CLTCL1: variants seen among roughly 807,000 people sequenced by gnomAD.
The protein encoded by CLTCL1 is clathrin heavy chain like 1.
A neutral mutation model predicts 190.0 loss-of-function variants in CLTCL1; 159 were observed. That is an observed-to-expected ratio of 0.84 (90% CI 0.74 to 0.95). The LOEUF is 0.95. Ranked by LOEUF, CLTCL1 falls within the 40% of genes least tolerant of loss-of-function variation. The probability of loss-of-function intolerance (pLI) is 0.00; values close to 1 mark genes in which losing one functional copy is unlikely to be tolerated. For missense variants in CLTCL1, 1,878 were observed against 2,033.4 expected (o/e 0.92, Z 1.47); for synonymous variants, 752 against 769.6 (o/e 0.98, Z 0.38).
At chr22:19,183,263 C>T (rs977079186) in intron 30 of CLTCL1, 127 bp downstream of exon 30, 30 of 757,898 alleles carry the variant, frequency 4.0e-5, no homozygotes, top group Non-Finnish European at 5.7e-5. Context: ...TGAAGGCAGC[C>T]AGGGCTGGCT....
At chr22:19,290,611 G>A (rs1294165334) in intron 1 of CLTCL1, among the ~76,000 whole-genome samples, 2 of 152,138 alleles carry the variant, frequency 1.3e-5, no homozygotes, top group African/African-American at 4.8e-5. Context: ...TTTCCAGTCT[G>A]CAGAATGAGG....
intron 1 of CLTCL1, among the ~76,000 whole-genome samples, chr22:19,288,550 A>AGAT (rs1164111137): frequency 2.0e-5 from 3 of 152,254 alleles, no homozygotes; most frequent in Admixed American, 1.3e-4. Context: ...ATGAAGATAT[A>AGAT]GAAGCACAAA....
chr22:19,210,729 A>G (rs2145641780), intron 19 of CLTCL1, among the ~76,000 whole-genome samples: 1 of 152,338 alleles, frequency 6.6e-6, no homozygotes, highest in South Asian at 2.1e-4. Context: ...TAAGAGAATC[A>G]GAATGTGCCA....
chr22:19,250,011 TG>T, intron 3 of CLTCL1: 1 of 307,026 alleles, frequency 3.3e-6, no homozygotes, highest in Non-Finnish European at 6.7e-6. Flanking sequence ...CCCAGAACTT[TG>T]GGAGGCCGAG....
At chr22:19,225,808 A>G (rs2085724986) in intron 12 of CLTCL1, among the ~76,000 whole-genome samples, 175 bp from the exon 13 acceptor site, 1 of 152,238 alleles carries the variant, frequency 6.6e-6, no homozygotes, top group Non-Finnish European at 1.5e-5. Context: ...GCAAGGAGTA[A>G]AGCTGGGAAA....
At chr22:19,210,647 T>C (rs1555946229) in intron 19 of CLTCL1, 138 bp from the exon 20 acceptor site, 2 of 626,046 alleles carry the variant, frequency 3.2e-6, no homozygotes, top group Non-Finnish European at 5.4e-6. Flanking sequence ...GCTAAGTAAA[T>C]ACAACAGAGT....
chr22:19,185,543 G>T (rs1555927905), intron 29 of CLTCL1, among the ~76,000 whole-genome samples: 5 of 152,128 alleles, frequency 3.3e-5, no homozygotes, highest in Non-Finnish European at 1.5e-5. Context: ...AGCCAGGATG[G>T]TCTCGATCTC....
chr22:19,193,597 G>C (rs184542582), intron 26 of CLTCL1, among the ~76,000 whole-genome samples: 1 of 152,254 alleles, frequency 6.6e-6, no homozygotes, highest in Non-Finnish European at 1.5e-5. Flanking sequence ...AAGGCTGGGC[G>C]TGGTGGCTCA....
In CLTCL1 at chr22:19,209,121, G is replaced by A. The variant is rs540062182; in HGVS notation, c.3250-7C>T. 4 of 1,579,334 alleles carry A rather than the reference G, an allele frequency of 2.5e-6. No homozygotes were observed. The highest frequency in any genetic ancestry group is 2.3e-5 in the East Asian group (1 of 43,518). On this transcript the variant is annotated splice_region_variant and splice_polypyrimidine_tract_variant and intron_variant, in intron 20 of 32. Coordinates refer to ENST00000427926, the MANE Select transcript of CLTCL1 (RefSeq NM_007098.4). ...CAATGTGCTCGATCAGGACCTAGGG[G>A]TTATGAGAGGACTTCCATTCTCTGC...
In CLTCL1 at chr22:19,235,688, T is replaced by C. The variant is rs2086059834; in HGVS notation, c.969+8A>G. 1.9e-6 allele frequency: 3 copies of C among 1,610,260 alleles called. No homozygotes were observed. Among genetic ancestry groups the C allele is most frequent in the Middle Eastern group, 1.7e-4 (1 of 6,038 alleles). ...AAAGGTAGAAAATGAAATGTCAGAGTTACACACCTGTCCCTTTTTGTTGAC... is the reference window on the plus strand; with the variant it reads ...AAAGGTAGAAAATGAAATGTCAGAGCTACACACCTGTCCCTTTTTGTTGAC... On this transcript the variant is annotated splice_region_variant and intron_variant, in intron 6 of 32. Coordinates refer to ENST00000427926, the MANE Select transcript of CLTCL1 (RefSeq NM_007098.4).
chr22:19,191,569 G>T, intron 26 of CLTCL1, 134 bp from the exon 27 acceptor site: 1 of 1,055,908 alleles, frequency 9.5e-7, no homozygotes, highest in Non-Finnish European at 1.4e-6. Flanking sequence ...TCAATGGCCT[G>T]TGAAGGTGCC....
At chr22:19,235,938 C>A (rs535679646) in intron 5 of CLTCL1, 69 bp from the exon 6 acceptor site, 11 of 1,324,582 alleles carry the variant, frequency 8.3e-6, no homozygotes, top group Non-Finnish European at 1.2e-5. Flanking sequence ...AAAGAGCTCA[C>A]AAATGATAAA....
chr22:19,267,149 CA>C (rs1304531067), intron 2 of CLTCL1, among the ~76,000 whole-genome samples: 1 of 151,768 alleles, frequency 6.6e-6, no homozygotes, highest in Admixed American at 6.6e-5. Context: ...GAAAAATATA[CA>C]AAAATTATTT....
intron 27 of CLTCL1, among the ~76,000 whole-genome samples, chr22:19,190,856 C>A (rs537741062): frequency 7.8e-4 from 118 of 151,658 alleles, no homozygotes; most frequent in African/African-American, 2.8e-3. Flanking sequence ...TGGCTCACTG[C>A]TAGCTGTGCC....
intron 1 of CLTCL1, 124 bp downstream of exon 1, chr22:19,291,476 T>G: frequency 1.1e-6 from 1 of 940,328 alleles, no homozygotes; most frequent in Non-Finnish European, 1.4e-6. Flanking sequence ...AGGTGGGAGG[T>G]CGGAAATCGG....
intron 3 of CLTCL1, chr22:19,250,042 T>C: frequency 4.0e-6 from 1 of 247,674 alleles, no homozygotes; most frequent in Non-Finnish European, 8.4e-6. Flanking sequence ...TCACTTGAGG[T>C]CAGGAGTTCA....
At chr22:19,223,316 T>C (rs1451393394) in intron 14 of CLTCL1, among the ~76,000 whole-genome samples, 2 of 151,240 alleles carry the variant, frequency 1.3e-5, no homozygotes, top group Non-Finnish European at 3.0e-5. Context: ...CATGACCTCA[T>C]TTCCTCCAAT....
At chr22:19,264,790 C>T (rs1254842587) in intron 2 of CLTCL1, among the ~76,000 whole-genome samples, 1 of 151,620 alleles carries the variant, frequency 6.6e-6, no homozygotes, top group Non-Finnish European at 1.5e-5. Flanking sequence ...AAATTTCATG[C>T]AATTTTTTTT....
intron 5 of CLTCL1, among the ~76,000 whole-genome samples, chr22:19,236,116 C>T (rs1235893256): frequency 6.6e-6 from 1 of 152,194 alleles, no homozygotes; most frequent in Non-Finnish European, 1.5e-5. Context: ...TGAGCTGCCA[C>T]ACCTAGCTAT....
Sources: allele counts gnomAD v4.1 joint callset (sites outside exome capture counted in the v4.1 genomes callset), GRCh38; gene constraint gnomAD v4.1.1; transcripts MANE v1.5; gene names NCBI Gene and HGNC (gene_info 2026-07-23, HGNC 2026-07-21).